The following SEMA6B variants were observed in gnomAD, a reference collection of about 807,000 sequenced individuals.
The protein encoded by SEMA6B is semaphorin-6B.
A neutral mutation model predicts 78.6 loss-of-function variants in SEMA6B; 47 were observed. That is an observed-to-expected ratio of 0.60 (90% CI 0.47 to 0.76). The LOEUF is 0.76. Among genes scored for constraint, SEMA6B ranks in the 30% least tolerant of loss-of-function variants. SEMA6B has a pLI of 0.00. For synonymous variants in SEMA6B, 632 were observed against 592.2 expected, an observed-to-expected ratio of 1.07 and a Z score of -0.98; for missense variants, 1,213 against 1,269.9, an observed-to-expected ratio of 0.96 and a Z score of 0.68.
chr19:4,556,844 C>G (rs1366542614), intron 5 of SEMA6B, 107 bp downstream of exon 5: 1 of 877,432 alleles, frequency 1.1e-6, no homozygotes, highest in African/African-American at 3.0e-5. Context: ...TGGGTTGGGG[C>G]GTGGCCAGGG....
chr19:4,549,782 T>C (rs972655280), intron 12 of SEMA6B, among the ~76,000 whole-genome samples: 3 of 150,528 alleles, frequency 2.0e-5, no homozygotes, highest in Non-Finnish European at 4.4e-5. Flanking sequence ...CCGGCCAATT[T>C]TTGTATTTTA....
intron 3 of SEMA6B, 151 bp from the exon 4 acceptor site, chr19:4,557,374 C>A (rs910054055): frequency 1.3e-5 from 8 of 618,346 alleles, no homozygotes; most frequent in African/African-American, 3.7e-5. Context: ...CCACACCCCC[C>A]CAAGGGCCCC....
At position 4,550,362 on chromosome 19, in the gene SEMA6B, G is replaced by A. The variant is rs894122825; in HGVS notation, c.1122-90C>T. 1.1e-5 allele frequency: 15 copies of A among 1,387,372 alleles called. No homozygotes were observed. The highest frequency in any genetic ancestry group is 1.8e-4 in the Middle Eastern group (1 of 5,572). 85.9% of individuals were successfully genotyped at this position (1,387,372 alleles called of 1,614,324 possible). ...AGAGGTACCCATTGCTTTGCCCAAC[G>A]ACCCTCAGGTTTTTTGTTTGTTTTG... On this transcript the variant is annotated intron_variant, in intron 11 of 16. Transcript: ENST00000586582. This position sits in a 1 kb window ranked among gnomAD's most constrained non-coding sequence, Gnocchi z 6.6.
chr19:4,554,564 G>T, intron 8 of SEMA6B, 88 bp from the exon 9 acceptor site: 3 of 1,001,336 alleles, frequency 3.0e-6, no homozygotes, highest in Non-Finnish European at 4.6e-6. Context: ...TATGGTGAAG[G>T]GGGGACATAG....
chr19:4,547,442 C>T (rs143485893), intron 14 of SEMA6B, among the ~76,000 whole-genome samples: 2 of 152,320 alleles, frequency 1.3e-5, no homozygotes, highest in Admixed American at 6.5e-5. Flanking sequence ...CCCTTGGACT[C>T]GGAGCTACTG....
In SEMA6B at chr19:4,548,081, C is replaced by T. The variant is rs1368928421; in HGVS notation, c.1547G>A (p.Arg516His). The change falls in exon 14 of 17, where the codon CGC (arginine) becomes CAC (histidine). Residue 516 changes from arginine to histidine, a missense_variant. Coordinates refer to ENST00000586582, the MANE Select transcript of SEMA6B (RefSeq NM_032108.4). The part of the protein sequence containing the change: ...ASGGLLAAFP[R>H]CVVRVPVARC... Reference sequence around the variant, plus strand: ...AGCCACAGGCACTCGGACCACGCAGCGGGGGAAGGCAGCCAGCAGGCCCCC... The same window carrying T: ...AGCCACAGGCACTCGGACCACGCAGTGGGGGAAGGCAGCCAGCAGGCCCCC... The T allele has an allele frequency of 1.3e-5, 20 of 1,590,780 alleles. No homozygotes were observed. Among genetic ancestry groups the T allele is most frequent in the Non-Finnish European group, 1.4e-5 (17 of 1,174,326 alleles).
At position 4,548,158 on chromosome 19, in the gene SEMA6B, G is replaced by A. The variant is rs745978570; in HGVS notation, c.1470C>T (p.Gly490=). 10 of 1,591,028 alleles carry A rather than the reference G, an allele frequency of 6.3e-6. No homozygotes were observed. The highest frequency in any genetic ancestry group is 2.3e-5 in the East Asian group (1 of 44,208). The stretch of plus-strand genomic sequence containing the variant: ...GCAGCCGCTGCCCTGTCTCGCCACC[G>A]CCGGGCCGTCCACACCTGGGGACAA... ...TYRPDRCGRP[G]GGETGQRLLS... is the part of the protein sequence containing the mutation. The change falls in exon 14 of 17, where the codon GGC becomes GGT. Residue 490 remains glycine, a synonymous_variant. Coordinates refer to ENST00000586582, the MANE Select transcript of SEMA6B (RefSeq NM_032108.4).
Position 4,543,935 on chromosome 19 carries a change from C to CGGGCA in SEMA6B, c.2328_2332dup (p.Arg778LeufsTer54). On this transcript the variant is annotated frameshift_variant, in exon 17 of 17. Coordinates refer to ENST00000586582, the MANE Select transcript of SEMA6B (RefSeq NM_032108.4). LOFTEE classifies it high-confidence loss of function. ...GTCGCCGTGGGAGGCGCGGCCGGGC[C>CGGGCA]GGGCAGCATAGAGGCGGCCGTCGGG... 1 of 1,200,872 alleles carries CGGGCA rather than the reference C, an allele frequency of 8.3e-7. No individual in the cohort carries two copies. The highest frequency in any genetic ancestry group is 1.0e-6 in the Non-Finnish European group (1 of 968,566). The allele number at this position is 1,200,872 out of a possible 1,614,324, so 74.4% of individuals were successfully genotyped here.
chr19:4,544,090 G>C lies in SEMA6B; in HGVS notation c.2178C>G (p.His726Gln). Residue 726 changes from histidine to glutamine, a missense_variant, in exon 17 of 17, where the codon CAC (histidine) becomes CAG (glutamine). His to Gln is a conservative substitution (Grantham distance 24, BLOSUM62 0). Coordinates refer to ENST00000586582, the MANE Select transcript of SEMA6B (RefSeq NM_032108.4). The surrounding 1 kb of genome is among the most constrained non-coding windows in gnomAD (Gnocchi z 5.1). ...AGGCGCGGGGGCCCAGGGCGTGGGG[G>C]TGCGGGTGCGGAGTGGGCAGGCGCT... is the stretch of plus-strand genomic sequence containing the variant. Reference protein sequence around the residue: ...PQKRLPTPHPHPHALGPRAWD... With the variant: ...PQKRLPTPHPQPHALGPRAWD... 1 of 1,257,750 alleles carries C rather than the reference G, an allele frequency of 8.0e-7. No individual in the cohort carries two copies. The highest frequency in any genetic ancestry group is 1.0e-6 in the Non-Finnish European group (1 of 1,002,190). 77.9% of individuals were successfully genotyped at this position (1,257,750 alleles called of 1,614,324 possible).
At chr19:4,556,449 C>A (rs1205297772) in intron 5 of SEMA6B, among the ~76,000 whole-genome samples, 1 of 137,490 alleles carries the variant, frequency 7.3e-6, no homozygotes, top group Non-Finnish European at 1.5e-5. Flanking sequence ...ACGGTTATAG[C>A]TGATTGGGGC....
At chr19:4,545,519 T>C (rs572312447) in intron 16 of SEMA6B, among the ~76,000 whole-genome samples, 22 of 151,912 alleles carry the variant, frequency 1.4e-4, no homozygotes, top group Non-Finnish European at 2.6e-4. Context: ...TGGGTTTTTG[T>C]TTTAGAGACA....
At chr19:4,551,153 C>T (rs372380546) in intron 10 of SEMA6B, among the ~76,000 whole-genome samples, 1 of 152,018 alleles carries the variant, frequency 6.6e-6, no homozygotes, top group East Asian at 1.9e-4. Flanking sequence ...CTGTCCAGGC[C>T]CCCATCCCTG....
At position 4,543,924 on chromosome 19, in the gene SEMA6B, C is replaced by A. The variant is rs1367391539; in HGVS notation, c.2344G>T (p.Ala782Ser). ...GTGAGCGGGAAGTCGCCGTGGGAGGCGCGGCCGGGCCGGGCAGCATAGAGG... is the reference window on the plus strand; with the variant it reads ...GTGAGCGGGAAGTCGCCGTGGGAGGAGCGGCCGGGCCGGGCAGCATAGAGG... ...GRLYAARPGRASHGDFPLTPH... is the reference protein window; with the variant it reads ...GRLYAARPGRSSHGDFPLTPH... Residue 782 changes from alanine to serine, a missense_variant, in exon 17 of 17, where the codon GCC (alanine) becomes TCC (serine). By Grantham distance (99) the Ala-to-Ser change is moderately conservative. Transcript: ENST00000586582. The A allele has an allele frequency of 8.3e-7, 1 of 1,201,040 alleles. No individual in the cohort carries two copies. Among genetic ancestry groups the A allele is most frequent in the Non-Finnish European group, 1.0e-6 (1 of 968,660 alleles). The allele number at this position is 1,201,040 out of a possible 1,614,324, so 74.4% of individuals were successfully genotyped here.
chr19:4,548,347 A>G lies in SEMA6B; in HGVS notation c.1370T>C (p.Phe457Ser), dbSNP rs1265472059. The G allele has an allele frequency of 1.9e-6, 3 of 1,613,848 alleles. No individual in the cohort carries two copies. Residue 457 changes from phenylalanine to serine, a missense_variant, in exon 13 of 17, where the codon TTC becomes TCC. Coordinates refer to ENST00000586582, the MANE Select transcript of SEMA6B (RefSeq NM_032108.4). The part of the protein sequence containing the change: ...LGSEAGTVLK[F>S]LVRPNASTSG... ...GGTGCTGGCATTGGGCCGGACGAGG[A>G]ACTTGAGGACCGTCCCCGCCTCAGA...
At position 4,558,077 on chromosome 19, in the gene SEMA6B, A is replaced by AAAC; in HGVS notation, c.193_194insGTT (p.Leu65delinsArgPhe). The AAAC allele has an allele frequency of 6.6e-7, 1 of 1,526,238 alleles. No homozygotes were observed. Among genetic ancestry groups the AAAC allele is most frequent in the Non-Finnish European group, 8.9e-7 (1 of 1,128,302 alleles). The allele number at this position is 1,526,238 out of a possible 1,614,324, so 94.5% of individuals were successfully genotyped here. Reference sequence around the variant, plus strand: ...GACCCGCAGGACTCGCTGGATGTTGAGGTCGTCAGCACCTTCTGCGGGGGT... The same window carrying AAAC: ...GACCCGCAGGACTCGCTGGATGTTGAAACGGTCGTCAGCACCTTCTGCGGGGGT... On this transcript the variant is annotated protein_altering_variant, in exon 3 of 17. Transcript: ENST00000586582. This position sits in a 1 kb window ranked among gnomAD's most constrained non-coding sequence, Gnocchi z 5.1.
In SEMA6B at chr19:4,543,736, G is replaced by A. The variant is rs2145341547; in HGVS notation, c.2532C>T (p.Arg844=). Residue 844 remains arginine (R), a synonymous_variant, in exon 17 of 17, where the codon CGC becomes CGT. Transcript: ENST00000586582. The part of the protein sequence containing the change: ...GPHAPPAATL[R]RTHTFNSGEA... ...CGCCGCTGTTGAACGTGTGGGTGCG[G>A]CGCAGGGTGGCGGCCGGAGGGGCGT... is the stretch of plus-strand genomic sequence containing the variant. 8.1e-7 allele frequency: 1 copy of A among 1,227,784 alleles called. No homozygotes were observed. 76.1% of individuals were successfully genotyped at this position (1,227,784 alleles called of 1,614,324 possible). A position where few individuals can be genotyped will look rare whatever the true frequency, so the allele number is the denominator to read the frequency against.
In SEMA6B at chr19:4,550,290, G is replaced by A; in HGVS notation, c.1122-18C>T. The stretch of plus-strand genomic sequence containing the variant: ...ACCCGGGCCTGGGGGTGACAAGGGT[G>A]TGGTCAGGACGAACGTAAAGGTTCT... On this transcript the variant is annotated intron_variant, in intron 11 of 16. Transcript: ENST00000586582. This position sits in a 1 kb window ranked among gnomAD's most constrained non-coding sequence, Gnocchi z 6.6. 1 of 1,613,460 alleles carries A rather than the reference G, an allele frequency of 6.2e-7. No homozygotes were observed. The highest frequency in any genetic ancestry group is 8.5e-7 in the Non-Finnish European group (1 of 1,179,902).
intron 3 of SEMA6B, among the ~76,000 whole-genome samples, chr19:4,557,486 GCCTCCCAGGCGCC>G (rs1448532369): frequency 6.6e-6 from 1 of 152,138 alleles, no homozygotes; most frequent in Non-Finnish European, 1.5e-5. Context: ...CCCACTCGGC[GCCTCCCAGGCGCC>G]CACCAGGCTC....
chr19:4,550,319 A>G lies in SEMA6B; in HGVS notation c.1122-47T>C. The stretch of plus-strand genomic sequence containing the variant: ...TCAGGACGAACGTAAAGGTTCTCAT[A>G]AAGGGGCCTGATTCACCAGAGGTAC... On this transcript the variant is annotated intron_variant, in intron 11 of 16. Coordinates refer to ENST00000586582, the MANE Select transcript of SEMA6B (RefSeq NM_032108.4). The surrounding 1 kb of genome is among the most constrained non-coding windows in gnomAD (Gnocchi z 6.6). 1 of 1,603,066 alleles carries G rather than the reference A, an allele frequency of 6.2e-7. No homozygotes were observed. The highest frequency in any genetic ancestry group is 8.5e-7 in the Non-Finnish European group (1 of 1,171,788).
Sources: gnomAD v4.1 joint callset for allele counts (sites outside exome capture counted in the v4.1 genomes callset) on GRCh38, gnomAD v4.1.1 for gene constraint, Gnocchi (gnomAD v3.1) non-coding constraint, MANE v1.5 for transcripts, NCBI Gene and HGNC (gene_info 2026-07-23, HGNC 2026-07-21) for gene names.